Variants in CAP1 observed in about 807,000 individuals in gnomAD.
CAP1 encodes the protein cyclase associated actin cytoskeleton regulatory protein 1, also known as adenylyl cyclase-associated protein 1.
CAP1 carries 11 observed loss-of-function variants against 58.2 expected under a neutral mutation model. The ratio of observed to expected loss-of-function variants is 0.19; its 90% CI spans 0.12 to 0.31. CAP1 has a LOEUF of 0.31. Among genes scored for constraint, CAP1 ranks in the 10% least tolerant of loss-of-function variants. The probability of loss-of-function intolerance (pLI) is 1.00; values close to 1 mark genes in which losing one functional copy is unlikely to be tolerated. For missense variants in CAP1, 423 were observed against 587.5 expected (o/e 0.72, Z 2.89); for synonymous variants, 183 against 213.8 (o/e 0.86, Z 1.26).
In CAP1 at chr1:40,064,462, GTC is replaced by G. The variant is rs776608628; in HGVS notation, c.439-4_439-3del. ...AGAGGTCCTGAGTCACTGACAGCTT[GTC>G]TCTCTCTAGGCTCCCAAGCCTGGCC... is the stretch of plus-strand genomic sequence containing the variant. On this transcript the variant is annotated splice_polypyrimidine_tract_variant and intron_variant, in intron 5 of 12. Transcript: ENST00000372805. 8 of 1,613,116 alleles carry G rather than the reference GTC, an allele frequency of 5.0e-6. No individual in the cohort carries two copies. The South Asian group carries it at 7.7e-5, about 16-fold the overall frequency.
Position 40,070,702 on chromosome 1 carries a change from G to A in CAP1, c.1201-134G>A, listed in dbSNP as rs866025857. 1.2e-4 allele frequency: 71 copies of A among 572,246 alleles called. No homozygotes were observed. In the Middle Eastern group the frequency reaches 4.1e-3, roughly 33 times the overall value. 35.4% of individuals were successfully genotyped at this position (572,246 alleles called of 1,614,324 possible). A position where few individuals can be genotyped will look rare whatever the true frequency, so the allele number is the denominator to read the frequency against. ...TTTCAGGACCCATCCCAACCCACCC[G>A]AGTATCCAGTGTCTTGCGCATCTGT... On this transcript the variant is annotated intron_variant, in intron 11 of 12. Transcript: ENST00000372805.
chr1:40,052,920 C>T (rs1225076752), intron 1 of CAP1, among the ~76,000 whole-genome samples: 2 of 149,218 alleles, frequency 1.3e-5, no homozygotes, highest in Non-Finnish European at 3.0e-5. Flanking sequence ...GAAACCCCGT[C>T]TCTAATAAAA....
chr1:40,060,205 G>A (rs1213796131), intron 3 of CAP1, 35 bp downstream of exon 3: 1 of 1,515,860 alleles, frequency 6.6e-7, no homozygotes, highest in Non-Finnish European at 9.1e-7. Flanking sequence ...CTTCTTTTAA[G>A]GACTAACAGC....
At position 40,060,131 on chromosome 1, in the gene CAP1, G is replaced by A. The variant is rs1259380186; in HGVS notation, c.177G>A (p.Leu59=). 3 of 1,613,794 alleles carry A rather than the reference G, an allele frequency of 1.9e-6. No individual in the cohort carries two copies. Among genetic ancestry groups the A allele is most frequent in the East Asian group, 2.2e-5 (1 of 44,868 alleles). ...SLLAGPVAEY[L]KISKEIGGDV... is the part of the protein sequence containing the mutation. ...TTGCTGGTCCTGTGGCAGAGTACTT[G>A]AAGATCAGTAAAGAGATTGGGGGAG... Residue 59 remains leucine (L), a synonymous_variant, in exon 3 of 13, where the codon TTG becomes TTA. Coordinates refer to ENST00000372805, the MANE Select transcript of CAP1 (RefSeq NM_006367.4).
chr1:40,070,295 C>T lies in CAP1; in HGVS notation c.1117+13C>T, dbSNP rs910706623. 2.0e-5 allele frequency: 33 copies of T among 1,613,838 alleles called. No homozygotes were observed. The highest frequency in any genetic ancestry group is 1.6e-4 in the Middle Eastern group (1 of 6,084). ...TCCATTACAGTAGGTGAGTCTTTGT[C>T]GCTGTCCCACGCAAGCCCCGTCCCA... On this transcript the variant is annotated intron_variant, in intron 10 of 12. Coordinates refer to ENST00000372805, the MANE Select transcript of CAP1 (RefSeq NM_006367.4).
At chr1:40,041,690 C>T (rs1237044040) in intron 1 of CAP1, among the ~76,000 whole-genome samples, 1 of 152,120 alleles carries the variant, frequency 6.6e-6, no homozygotes, top group Non-Finnish European at 1.5e-5. Flanking sequence ...TTCCCAGATG[C>T]GGGGAATGCA....
intron 4 of CAP1, 70 bp from the exon 5 acceptor site, chr1:40,064,157 C>T (rs1306950501): frequency 6.6e-7 from 1 of 1,506,440 alleles, no homozygotes; most frequent in African/African-American, 1.4e-5. Context: ...TTCTTGCCTT[C>T]AGGATCAGAA....
chr1:40,059,280 C>T, intron 1 of CAP1, 57 bp from the exon 2 acceptor site: 1 of 1,009,252 alleles, frequency 9.9e-7, no homozygotes, highest in Non-Finnish European at 1.6e-6. Context: ...CTGTTTTTTT[C>T]TCTGTAGGTG....
At chr1:40,049,408 G>A (rs913123610) in intron 1 of CAP1, among the ~76,000 whole-genome samples, 14 of 151,446 alleles carry the variant, frequency 9.2e-5, no homozygotes, top group African/African-American at 2.2e-4. Flanking sequence ...ACGAGGTTTC[G>A]CCATTTTAGC....
intron 6 of CAP1, among the ~76,000 whole-genome samples, chr1:40,065,154 A>G (rs1557692296): frequency 6.6e-6 from 1 of 152,196 alleles, no homozygotes; most frequent in Non-Finnish European, 1.5e-5. Flanking sequence ...TGCCCTTTAT[A>G]TAAGATTTTG....
At chr1:40,047,700 T>G (rs12405693) in intron 1 of CAP1, among the ~76,000 whole-genome samples, 21,136 of 152,214 alleles carry the variant, frequency 0.14, 1,744 homozygotes, top group East Asian at 0.23. Context: ...TCTGTGCAAT[T>G]AGTCTTCATA....
chr1:40,066,150 G>C, intron 6 of CAP1, 65 bp from the exon 7 acceptor site: 3 of 892,402 alleles, frequency 3.4e-6, no homozygotes, highest in Non-Finnish European at 5.7e-6. Flanking sequence ...GGAAAGAAGG[G>C]TTCTGGAGTC....
intron 1 of CAP1, among the ~76,000 whole-genome samples, chr1:40,045,547 T>C (rs1272488190): frequency 6.6e-6 from 1 of 151,966 alleles, no homozygotes; most frequent in African/African-American, 2.4e-5. Flanking sequence ...TACAGTTCTT[T>C]TTCTTTCTTT....
intron 8 of CAP1, among the ~76,000 whole-genome samples, chr1:40,068,331 C>T (rs577953438): frequency 5.3e-5 from 8 of 152,096 alleles, no homozygotes; most frequent in South Asian, 2.1e-4. Context: ...AGTGCAATGG[C>T]GCGATCTCGG....
chr1:40,070,662 C>T (rs1570437719), intron 11 of CAP1, 150 bp downstream of exon 11: 1 of 921,668 alleles, frequency 1.1e-6, no homozygotes, highest in Admixed American at 2.3e-5. Flanking sequence ...AGGGTTGGCT[C>T]TTCAAGCAAG....
chr1:40,070,948 A>G lies in CAP1; in HGVS notation c.1313A>G (p.Asn438Ser). 1 of 1,613,972 alleles carries G rather than the reference A, an allele frequency of 6.2e-7. No homozygotes were observed. The highest frequency in any genetic ancestry group is 1.1e-5 in the South Asian group (1 of 91,078). The change falls in exon 12 of 13, where the codon AAT becomes AGT. Residue 438 changes from asparagine to serine, a missense_variant. Transcript: ENST00000372805. ...GTCAGTGCCAAATCTTCCGAGATGA[A>G]TGTCCTCATTCCTACAGAAGGCGGT... ...EIVSAKSSEMNVLIPTEGGDF... is the reference protein window; with the variant it reads ...EIVSAKSSEMSVLIPTEGGDF...
chr1:40,053,511 C>T (rs1360984431), intron 1 of CAP1, among the ~76,000 whole-genome samples: 1 of 151,858 alleles, frequency 6.6e-6, no homozygotes, highest in Non-Finnish European at 1.5e-5. Flanking sequence ...AGTGTAATGG[C>T]GTGAACTCGG....
At chr1:40,069,579 C>A in intron 8 of CAP1, 111 bp from the exon 9 acceptor site, 2 of 892,016 alleles carry the variant, frequency 2.2e-6, no homozygotes, top group Non-Finnish European at 3.5e-6. Context: ...GAGAACATCT[C>A]AAAGGCTCTG....
intron 1 of CAP1, among the ~76,000 whole-genome samples, chr1:40,047,332 A>C (rs1259297412): frequency 6.6e-6 from 1 of 152,256 alleles, no homozygotes; most frequent in African/African-American, 2.4e-5. Flanking sequence ...TGCCTCAGCT[A>C]CAGTGCTGCT....
Sources: allele counts gnomAD v4.1 joint callset (sites outside exome capture counted in the v4.1 genomes callset), GRCh38; gene constraint gnomAD v4.1.1; transcripts MANE v1.5; gene names NCBI Gene and HGNC (gene_info 2026-07-23, HGNC 2026-07-21).